Variants in TNFRSF1B observed in about 807,000 individuals in gnomAD.
The protein encoded by TNFRSF1B is tumor necrosis factor receptor superfamily member 1B.
Under a neutral mutation model 44.6 loss-of-function variants are expected in TNFRSF1B, and 19 were observed. The ratio of observed to expected loss-of-function variants is 0.43; its 90% CI spans 0.30 to 0.62. TNFRSF1B has a LOEUF of 0.62. TNFRSF1B is among the 20% of genes least tolerant of loss of function. The pLI, the probability that TNFRSF1B is intolerant of heterozygous loss-of-function variation, is 0.16. For synonymous variants in TNFRSF1B, 252 were observed against 261.1 expected, an observed-to-expected ratio of 0.97 and a Z score of 0.34; for missense variants, 541 against 619.9, an observed-to-expected ratio of 0.87 and a Z score of 1.35.
In TNFRSF1B at chr1:12,177,726, G is replaced by A. The variant is rs539011276; in HGVS notation, c.78+10557G>A. 4.7e-4 allele frequency among the ~76,000 whole-genome samples: 71 copies of A among 151,900 alleles called. No homozygotes were observed. Among genetic ancestry groups the A allele is most frequent in the African/African-American group, 1.5e-3 (63 of 41,424 alleles). ...GGAGAATCGCTTGAACCTGGGAGGC[G>A]GAGTTTGCAGTGAACCGAGATCGCG... On this transcript the variant is annotated intron_variant, in intron 1 of 9. Transcript: ENST00000376259. This position sits in a 1 kb window ranked among gnomAD's most constrained non-coding sequence, Gnocchi z 4.3.
chr1:12,173,157 G>T (rs1451714416), intron 1 of TNFRSF1B, among the ~76,000 whole-genome samples: 1 of 152,084 alleles, frequency 6.6e-6, no homozygotes, highest in African/African-American at 2.4e-5. Flanking sequence ...ACCTTGCTTG[G>T]GTTACTTAAC....
In TNFRSF1B at chr1:12,167,409, C is replaced by G; in HGVS notation, c.78+240C>G. The G allele has an allele frequency of 7.0e-6, 3 of 431,182 alleles. No individual in the cohort carries two copies. In the Middle Eastern group the frequency reaches 1.9e-3, roughly 268 times the overall value. 26.7% of individuals were successfully genotyped at this position (431,182 alleles called of 1,614,324 possible). ...ACTCTGGCCCCCGAAGCCCCTCTTA[C>G]CCGCGTCGTGACAGGGGCGCACCCT... On this transcript the variant is annotated intron_variant, in intron 1 of 9. Coordinates refer to ENST00000376259, the MANE Select transcript of TNFRSF1B (RefSeq NM_001066.3).
At chr1:12,191,213 C>A in intron 3 of TNFRSF1B, 128 bp downstream of exon 3, 1 of 1,262,068 alleles carries the variant, frequency 7.9e-7, no homozygotes, top group Non-Finnish European at 1.1e-6. Flanking sequence ...GGCACAGGTG[C>A]AGCTGTTTAC....
At chr1:12,190,731 C>A (rs1036387277) in intron 2 of TNFRSF1B, among the ~76,000 whole-genome samples, 4 of 151,970 alleles carry the variant, frequency 2.6e-5, no homozygotes, top group African/African-American at 9.7e-5. Context: ...GAGGTTCAAG[C>A]ATCTGGAAAG....
rs5772486 is a variant in TNFRSF1B, at chr1:12,198,121, C to CA, written c.900+3523dup. 4.3e-3 allele frequency among the ~76,000 whole-genome samples: 424 copies of CA among 98,578 alleles called. 4 individuals carry two copies. The East Asian group carries it at 0.053, about 12-fold the overall frequency. The allele number at this position is 98,578 out of a possible 152,430, so 64.7% of individuals were successfully genotyped here. A position where few individuals can be genotyped will look rare whatever the true frequency, so the allele number is the denominator to read the frequency against. On this transcript the variant is annotated intron_variant, in intron 8 of 9. Coordinates refer to ENST00000376259, the MANE Select transcript of TNFRSF1B (RefSeq NM_001066.3). ...TGGGCGATAGAGCGAGACTCCATCT[C>CA]AAAAAAAAAAAAAAAAAAAACCAAT...
At chr1:12,197,352 C>T (rs1639288612) in intron 8 of TNFRSF1B, among the ~76,000 whole-genome samples, 1 of 152,212 alleles carries the variant, frequency 6.6e-6, no homozygotes, top group African/African-American at 2.4e-5. Context: ...CCCCCAAACC[C>T]TGATTTGTGG....
At position 12,168,471 on chromosome 1, in the gene TNFRSF1B, G is replaced by A. The variant is rs1051910618; in HGVS notation, c.78+1302G>A. 2.0e-5 allele frequency among the ~76,000 whole-genome samples: 3 copies of A among 152,154 alleles called. No homozygotes were observed. The highest frequency in any genetic ancestry group is 2.1e-4 in the South Asian group (1 of 4,832). On this transcript the variant is annotated intron_variant, in intron 1 of 9. Coordinates refer to ENST00000376259, the MANE Select transcript of TNFRSF1B (RefSeq NM_001066.3). This position sits in a 1 kb window ranked among gnomAD's most constrained non-coding sequence, Gnocchi z 4.7. ...TCAGGAGAGTCCCCACTCTAGGGCCGAGTGTGAATGGGGACGACCGTGGTC... is the reference window on the plus strand; with the variant it reads ...TCAGGAGAGTCCCCACTCTAGGGCCAAGTGTGAATGGGGACGACCGTGGTC...
intron 8 of TNFRSF1B, among the ~76,000 whole-genome samples, chr1:12,200,850 T>C (rs1265377719): frequency 1.3e-5 from 2 of 152,012 alleles, no homozygotes; most frequent in African/African-American, 4.8e-5. Flanking sequence ...CCAACTCCCT[T>C]CCTCAGGTGA....
At chr1:12,179,289 T>C (rs1638735970) in intron 1 of TNFRSF1B, among the ~76,000 whole-genome samples, 3 of 152,186 alleles carry the variant, frequency 2.0e-5, no homozygotes, top group Admixed American at 2.0e-4. Context: ...TTCCTCTCCG[T>C]GACGGCAGAC....
chr1:12,167,682 G>A (rs1557620533), intron 1 of TNFRSF1B, among the ~76,000 whole-genome samples: 1 of 152,240 alleles, frequency 6.6e-6, no homozygotes, highest in Non-Finnish European at 1.5e-5. Flanking sequence ...AGGGTCCTGT[G>A]TCTGAAGAGC....
chr1:12,169,965 G>T lies in TNFRSF1B; in HGVS notation c.78+2796G>T, dbSNP rs1176213397. Among the ~76,000 whole-genome samples, 9 of 152,158 alleles carry T rather than the reference G, an allele frequency of 5.9e-5. No homozygotes were observed. ...AGTTTGGGTTAGGGGAGAGGTTGGGGGCTCCCAGGCTGGATGTCAAAGAGG... is the reference window on the plus strand; with the variant it reads ...AGTTTGGGTTAGGGGAGAGGTTGGGTGCTCCCAGGCTGGATGTCAAAGAGG... On this transcript the variant is annotated intron_variant, in intron 1 of 9. Transcript: ENST00000376259. The surrounding 1 kb of genome is among the most constrained non-coding windows in gnomAD (Gnocchi z 4.5).
At chr1:12,198,158 C>T (rs1053647374) in intron 8 of TNFRSF1B, among the ~76,000 whole-genome samples, 12 of 151,782 alleles carry the variant, frequency 7.9e-5, no homozygotes, top group African/African-American at 2.4e-4. Flanking sequence ...TGTGAGCTTA[C>T]CCACAATCAC....
intron 1 of TNFRSF1B, 75 bp from the exon 2 acceptor site, chr1:12,188,721 C>T (rs1349899203): frequency 6.6e-6 from 9 of 1,372,334 alleles, no homozygotes; most frequent in Middle Eastern, 1.8e-4. Flanking sequence ...ATTTGCAGGG[C>T]GGGGACCTGG....
At position 12,169,027 on chromosome 1, in the gene TNFRSF1B, AG is replaced by A. The variant is rs1430245225; in HGVS notation, c.78+1859del. On this transcript the variant is annotated intron_variant, in intron 1 of 9. Coordinates refer to ENST00000376259, the MANE Select transcript of TNFRSF1B (RefSeq NM_001066.3). This position sits in a 1 kb window ranked among gnomAD's most constrained non-coding sequence, Gnocchi z 4.5. ...TCATCGTGTGTGTCATTGTGCAAAA[AG>A]CATTGTCCGTGCCATCCCCTCTCCA... Among the ~76,000 whole-genome samples, 14 of 152,176 alleles carry A rather than the reference AG, an allele frequency of 9.2e-5. No individual in the cohort carries two copies. Among genetic ancestry groups the A allele is most frequent in the African/African-American group, 3.1e-4 (13 of 41,426 alleles).
At chr1:12,182,557 G>T (rs778920574) in intron 1 of TNFRSF1B, among the ~76,000 whole-genome samples, 2 of 149,104 alleles carry the variant, frequency 1.3e-5, no homozygotes, top group Non-Finnish European at 3.0e-5. Context: ...TGCTCAGCAC[G>T]TCTGTTGAAT....
rs575015422 is a variant in TNFRSF1B at position 12,171,431 on chromosome 1, T to C, written c.78+4262T>C. On this transcript the variant is annotated intron_variant, in intron 1 of 9. Transcript: ENST00000376259. This position sits in a 1 kb window ranked among gnomAD's most constrained non-coding sequence, Gnocchi z 4.5. ...CCAATACTCCTCCTGCTGACGTCTC[T>C]TGGTCTCCTTCCCTCGCTTCCTTCT... Among the ~76,000 whole-genome samples the C allele has an allele frequency of 1.3e-5, 2 of 152,334 alleles. No homozygotes were observed. Among genetic ancestry groups the C allele is most frequent in the South Asian group, 4.1e-4 (2 of 4,828 alleles).
chr1:12,190,458 CAAAAAAAAA>C (rs4044499), intron 2 of TNFRSF1B, among the ~76,000 whole-genome samples: 1 of 61,518 alleles, frequency 1.6e-5, no homozygotes, highest in Non-Finnish European at 2.9e-5. Flanking sequence ...GATTCTGTCT[CAAAAAAAAA>C]AAAAAAAAAA....
chr1:12,197,921 C>T lies in TNFRSF1B; in HGVS notation c.900+3303C>T, dbSNP rs538444353. Among the ~76,000 whole-genome samples the T allele has an allele frequency of 5.8e-4, 89 of 152,142 alleles. 1 individual carries two copies. The highest frequency in any genetic ancestry group is 6.2e-4 in the South Asian group (3 of 4,822). On this transcript the variant is annotated intron_variant, in intron 8 of 9. Transcript: ENST00000376259. The stretch of plus-strand genomic sequence containing the variant: ...GGGGCGGATCACGAGGTCAGGAGAT[C>T]GAGACCATCCTGGCTAACACAGTGA...
rs1638441072 is a variant in TNFRSF1B at position 12,168,302 on chromosome 1, GTGAC to G, written c.78+1135_78+1138del. Among the ~76,000 whole-genome samples, 1 of 152,194 alleles carries G rather than the reference GTGAC, an allele frequency of 6.6e-6. No homozygotes were observed. The highest frequency in any genetic ancestry group is 1.5e-5 in the Non-Finnish European group (1 of 68,024). ...GCACTGGCTTCTGTGGTGACATAAGGTGACTTGTTGATCTGAGGCCAGAGAGTCC... is the reference window on the plus strand; with the variant it reads ...GCACTGGCTTCTGTGGTGACATAAGGTTGTTGATCTGAGGCCAGAGAGTCC... On this transcript the variant is annotated intron_variant, in intron 1 of 9. Transcript: ENST00000376259. The surrounding 1 kb of genome is among the most constrained non-coding windows in gnomAD (Gnocchi z 4.7).
Sources: allele counts gnomAD v4.1 joint callset (sites outside exome capture counted in the v4.1 genomes callset), GRCh38; gene constraint gnomAD v4.1.1; non-coding constraint Gnocchi (gnomAD v3.1); transcripts MANE v1.5; gene names NCBI Gene and HGNC (gene_info 2026-07-23, HGNC 2026-07-21).